The following TIAM1 variants were observed in gnomAD, a reference collection of about 807,000 sequenced individuals.
TIAM1 encodes the protein TIAM Rac1 associated GEF 1, also known as rho guanine nucleotide exchange factor TIAM1.
In TIAM1, 65 loss-of-function variants were observed where a neutral mutation model predicts 163.5. The observed-to-expected ratio is 0.40, with a 90% CI of 0.33 to 0.49. The LOEUF is 0.49. Among genes scored for constraint, TIAM1 ranks in the 20% least tolerant of loss-of-function variants. The pLI is 0.77. For synonymous variants in TIAM1, 833 were observed against 810.1 expected (o/e 1.03, Z -0.48); for missense variants, 1,789 against 2,044.7 (o/e 0.87, Z 2.41).
chr21:31,187,225 C>T, intron 13 of TIAM1, 138 bp from the exon 14 acceptor site: 1 of 757,782 alleles, frequency 1.3e-6, no homozygotes, highest in Non-Finnish European at 2.2e-6. Context: ...TCTTGTTTTA[C>T]ATAGCAGAAA....
rs190978172 is a variant in TIAM1, at chr21:31,201,509, A to T, written c.2493+1399T>A. ...GATAACAGAAATGTTCCAAAGCATG[A>T]TCACAGCAGTGGAAACAAGACTGTA... On this transcript the variant is annotated intron_variant, in intron 12 of 27. Coordinates refer to ENST00000541036, the MANE Select transcript of TIAM1 (RefSeq NM_001353694.2). 6.8e-4 allele frequency among the ~76,000 whole-genome samples: 103 copies of T among 152,364 alleles called. No individual in the cohort carries two copies. The South Asian group carries it at 8.1e-3, about 12-fold the overall frequency.
intron 2 of TIAM1, among the ~76,000 whole-genome samples, chr21:31,413,674 TAA>T: frequency 6.6e-6 from 1 of 152,216 alleles, no homozygotes; most frequent in South Asian, 2.1e-4. Flanking sequence ...TCTGCTCCAT[TAA>T]AAAACAATGG....
intron 11 of TIAM1, among the ~76,000 whole-genome samples, chr21:31,206,738 T>C (rs919729207): frequency 6.6e-6 from 1 of 152,168 alleles, no homozygotes; most frequent in Non-Finnish European, 1.5e-5. Context: ...ACAATGTAGA[T>C]ATTTTCAGTA....
At chr21:31,322,536 C>T (rs1020117425) in intron 2 of TIAM1, among the ~76,000 whole-genome samples, 1 of 152,170 alleles carries the variant, frequency 6.6e-6, no homozygotes, top group East Asian at 1.9e-4. Flanking sequence ...GCACCCTGCT[C>T]GCCTGTGACA....
At chr21:31,382,884 G>A (rs957703612) in intron 2 of TIAM1, among the ~76,000 whole-genome samples, 7 of 152,150 alleles carry the variant, frequency 4.6e-5, no homozygotes, top group South Asian at 2.1e-4. Flanking sequence ...TCACCTTGGC[G>A]AATTACCATT....
intron 1 of TIAM1, among the ~76,000 whole-genome samples, chr21:31,474,062 C>G (rs1212581710): frequency 2.0e-5 from 3 of 152,086 alleles, no homozygotes; most frequent in Non-Finnish European, 2.9e-5. Context: ...AGAGAGAGCG[C>G]AAGAGAGAGA....
At chr21:31,241,834 CTG>C (rs2071194571) in intron 6 of TIAM1, among the ~76,000 whole-genome samples, 2 of 151,798 alleles carry the variant, frequency 1.3e-5, no homozygotes, top group Non-Finnish European at 2.9e-5. Context: ...TAGCAAGATT[CTG>C]TCTTTAAAAA....
Position 31,266,134 on chromosome 21 carries a change from G to C in TIAM1, c.839C>G (p.Thr280Ser). 1 of 1,614,184 alleles carries C rather than the reference G, an allele frequency of 6.2e-7. No individual in the cohort carries two copies. Among genetic ancestry groups the C allele is most frequent in the Non-Finnish European group, 8.5e-7 (1 of 1,180,042 alleles). Reference protein sequence around the residue: ...HKMPPAAAEETPPYSNYNTLP... With the variant: ...HKMPPAAAEESPPYSNYNTLP... ...TGTGTTATAATTACTGTACGGAGGA[G>C]TCTCTTCAGCAGCAGCTGGTGGCAT... is the stretch of plus-strand genomic sequence containing the variant. The change falls in exon 4 of 28, where the codon ACT (threonine) becomes AGT (serine). Residue 280 changes from threonine (T) to serine (S), a missense_variant. Coordinates refer to ENST00000541036, the MANE Select transcript of TIAM1 (RefSeq NM_001353694.2).
chr21:31,359,858 A>G (rs796307186), intron 2 of TIAM1, among the ~76,000 whole-genome samples: 4,741 of 95,380 alleles, frequency 0.05, 250 homozygotes, highest in African/African-American at 0.14. Flanking sequence ...GGAAGGAAGG[A>G]AGGAAGGGAG....
intron 1 of TIAM1, among the ~76,000 whole-genome samples, chr21:31,469,431 T>C (rs1456216625): frequency 1.3e-5 from 2 of 152,070 alleles, no homozygotes; most frequent in African/African-American, 4.8e-5. Context: ...GTGAAAACAC[T>C]TTCTCTCGTG....
intron 1 of TIAM1, among the ~76,000 whole-genome samples, chr21:31,535,336 G>A (rs1246259100): frequency 7.9e-6 from 1 of 126,420 alleles, no homozygotes; most frequent in Non-Finnish European, 1.6e-5. Context: ...AGCCAGGATT[G>A]TGCCACTGCA....
chr21:31,451,728 T>C lies in TIAM1; in HGVS notation c.-369+12255A>G, dbSNP rs1346173290. Reference sequence around the variant, plus strand: ...GAAAGCATGTGTGTGCGTGTGTGTGTGTGTGTGTGTGTGTGTGTGTGTGTG... The same window carrying C: ...GAAAGCATGTGTGTGCGTGTGTGTGCGTGTGTGTGTGTGTGTGTGTGTGTG... On this transcript the variant is annotated intron_variant, in intron 2 of 28. Coordinates refer to the TIAM1 transcript ENST00000286827. 5.3e-3 allele frequency among the ~76,000 whole-genome samples: 353 copies of C among 66,256 alleles called. 4 individuals are homozygous for C. Among genetic ancestry groups the C allele is most frequent in the Middle Eastern group, 7.9e-3 (1 of 126 alleles). The allele number at this position is 66,256 out of a possible 152,430, so 43.5% of individuals were successfully genotyped here.
intron 11 of TIAM1, among the ~76,000 whole-genome samples, chr21:31,204,303 T>G (rs1242117067): frequency 6.6e-6 from 1 of 151,962 alleles, no homozygotes; most frequent in Non-Finnish European, 1.5e-5. Flanking sequence ...GGGGTGGGAG[T>G]GAGTAAATCG....
At position 31,266,584 on chromosome 21, in the gene TIAM1, T is replaced by A. The variant is rs1021315174; in HGVS notation, c.389A>T (p.Glu130Val). The A allele has an allele frequency of 1.2e-6, 2 of 1,614,096 alleles. No individual in the cohort carries two copies. The highest frequency in any genetic ancestry group is 1.7e-6 in the Non-Finnish European group (2 of 1,180,046). Residue 130 changes from glutamate (E) to valine (V), a missense_variant, in exon 4 of 28, where the codon GAG becomes GTG. This residue lies in a region of TIAM1 where 555 missense variants were observed against 564.9 expected (regional missense o/e 0.98). Coordinates refer to ENST00000541036, the MANE Select transcript of TIAM1 (RefSeq NM_001353694.2). The stretch of plus-strand genomic sequence containing the variant: ...GTCATCCCCGTAAAGCCTGCTCTCC[T>A]CAGTGTCTGGCATGCTCTGCACAGA... ...AASVQSMPDTEESRLYGDDAT... is the reference protein window; with the variant it reads ...AASVQSMPDTVESRLYGDDAT...
intron 14 of TIAM1, among the ~76,000 whole-genome samples, chr21:31,184,402 G>A (rs181064771): frequency 1.1e-4 from 17 of 152,200 alleles, no homozygotes; most frequent in East Asian, 5.8e-4. Flanking sequence ...CACCGTGCCC[G>A]GCCAATTCAC....
intron 22 of TIAM1, among the ~76,000 whole-genome samples, chr21:31,138,606 T>C (rs777485733): frequency 2.0e-5 from 3 of 152,216 alleles, no homozygotes; most frequent in African/African-American, 7.2e-5. Flanking sequence ...ATTCTTCCAA[T>C]ATACTGCTGA....
intron 1 of TIAM1, among the ~76,000 whole-genome samples, chr21:31,484,621 G>C (rs1237203849): frequency 6.6e-6 from 1 of 152,198 alleles, no homozygotes; most frequent in Non-Finnish European, 1.5e-5. Flanking sequence ...AGCTATTAAA[G>C]CAGGCCCCAA....
chr21:31,347,108 A>C (rs986100662), upstream of TIAM1, among the ~76,000 whole-genome samples: 3 of 152,048 alleles, frequency 2.0e-5, no homozygotes, highest in African/African-American at 7.2e-5. Flanking sequence ...CTTCTTCCCT[A>C]TCTCTCAGGC....
At chr21:31,489,523 G>GGAGGGAGA (rs1375630178) in intron 1 of TIAM1, among the ~76,000 whole-genome samples, 1 of 125,662 alleles carries the variant, frequency 8.0e-6, no homozygotes, top group Non-Finnish European at 1.7e-5. Flanking sequence ...GGGAAGGAAG[G>GGAGGGAGA]GAGGGAGGGA....
Sources: gnomAD v4.1 joint callset for allele counts (sites outside exome capture counted in the v4.1 genomes callset) on GRCh38, gnomAD v4.1.1 for gene constraint, gnomAD v4.1.1 regional missense constraint, MANE v1.5 for transcripts, NCBI Gene and HGNC (gene_info 2026-07-23, HGNC 2026-07-21) for gene names.